The following ST6GALNAC3 variants were observed in gnomAD, a reference collection of about 807,000 sequenced individuals.
ST6GALNAC3 encodes alpha-N-acetylgalactosaminide alpha-2,6-sialyltransferase 3.
A neutral mutation model predicts 32.7 loss-of-function variants in ST6GALNAC3; 25 were observed. The observed-to-expected ratio is 0.76, with a 90% CI of 0.56 to 1.07. The LOEUF is 1.07. ST6GALNAC3 is among the 50% of genes least tolerant of loss of function. The pLI, the probability that ST6GALNAC3 is intolerant of heterozygous loss-of-function variation, is 0.00. For missense variants in ST6GALNAC3, 355 were observed against 382.4 expected (o/e 0.93, Z 0.60); for synonymous variants, 129 against 133.1 (o/e 0.97, Z 0.21).
intron 1 of ST6GALNAC3, among the ~76,000 whole-genome samples, chr1:76,197,362 A>G (rs1230243141): frequency 2.6e-5 from 4 of 152,198 alleles, no homozygotes; most frequent in Admixed American, 6.5e-5. Context: ...AAAAATATGC[A>G]TGGACTCTGA....
chr1:76,373,802 G>A (rs761176590), intron 2 of ST6GALNAC3, among the ~76,000 whole-genome samples: 7 of 152,164 alleles, frequency 4.6e-5, no homozygotes, highest in African/African-American at 7.2e-5. Flanking sequence ...TAAATGTTAG[G>A]TTTCACATAA....
chr1:76,302,624 T>A (rs574571163), intron 1 of ST6GALNAC3, among the ~76,000 whole-genome samples: 1 of 152,056 alleles, frequency 6.6e-6, no homozygotes, highest in Non-Finnish European at 1.5e-5. Context: ...ACTTTCCTTT[T>A]ACCAGGCAGT....
At chr1:76,105,522 G>A (rs1647463914) in intron 1 of ST6GALNAC3, among the ~76,000 whole-genome samples, 1 of 130,374 alleles carries the variant, frequency 7.7e-6, no homozygotes, top group African/African-American at 3.3e-5. Context: ...TCACAGAGGT[G>A]CATGGGAGAG....
At chr1:76,117,951 A>T (rs531455311) in intron 1 of ST6GALNAC3, among the ~76,000 whole-genome samples, 1 of 152,344 alleles carries the variant, frequency 6.6e-6, no homozygotes, top group East Asian at 1.9e-4. Context: ...TTAGTAAAAT[A>T]ATATTTATAA....
At chr1:76,598,617 A>G (rs2100616373) in intron 3 of ST6GALNAC3, among the ~76,000 whole-genome samples, 1 of 152,312 alleles carries the variant, frequency 6.6e-6, no homozygotes, top group East Asian at 1.9e-4. Context: ...GGAAAAAGTA[A>G]AATACCTTCC....
intron 2 of ST6GALNAC3, among the ~76,000 whole-genome samples, chr1:76,404,890 T>C (rs921032490): frequency 3.3e-5 from 5 of 152,140 alleles, no homozygotes; most frequent in Non-Finnish European, 5.9e-5. Context: ...TAGAGTAGTG[T>C]AAAACAATGT....
intron 1 of ST6GALNAC3, among the ~76,000 whole-genome samples, chr1:76,087,504 G>A (rs1449992795): frequency 6.6e-6 from 1 of 152,194 alleles, no homozygotes; most frequent in Non-Finnish European, 1.5e-5. Flanking sequence ...TTTTTTTCTA[G>A]GGGAATTTAG....
intron 2 of ST6GALNAC3, among the ~76,000 whole-genome samples, chr1:76,366,500 G>A (rs1173155623): frequency 6.6e-6 from 1 of 152,172 alleles, no homozygotes; most frequent in Non-Finnish European, 1.5e-5. Flanking sequence ...TGACTGAAAT[G>A]TGATCTTTCT....
chr1:76,167,023 G>A (rs1021596385), intron 1 of ST6GALNAC3, among the ~76,000 whole-genome samples: 1 of 151,864 alleles, frequency 6.6e-6, no homozygotes, highest in Admixed American at 6.6e-5. Flanking sequence ...GATCTGGCCA[G>A]GACCCAATAC....
chr1:76,314,045 A>G (rs754710895), intron 2 of ST6GALNAC3, 46 bp downstream of exon 2: 2 of 1,565,922 alleles, frequency 1.3e-6, no homozygotes, highest in Non-Finnish European at 1.7e-6. Flanking sequence ...TATCCATGGT[A>G]ACAGCTTTTC....
chr1:76,159,199 C>CT (rs11413126), intron 1 of ST6GALNAC3, among the ~76,000 whole-genome samples: 21,275 of 151,944 alleles, frequency 0.14, 1,733 homozygotes, highest in Non-Finnish European at 0.19. Flanking sequence ...CTTTTCTTTT[C>CT]TTTTTTTGAG....
At chr1:76,463,421 C>T (rs1381290533) in intron 3 of ST6GALNAC3, among the ~76,000 whole-genome samples, 2 of 152,176 alleles carry the variant, frequency 1.3e-5, no homozygotes, top group Admixed American at 6.6e-5. Context: ...TTTGACTTCA[C>T]ATGCCAAACT....
chr1:76,102,944 ACT>A (rs1298790620), intron 1 of ST6GALNAC3, among the ~76,000 whole-genome samples: 2 of 151,068 alleles, frequency 1.3e-5, no homozygotes, highest in African/African-American at 4.9e-5. Flanking sequence ...TTTTACTATC[ACT>A]CTTAGGGATA....
intron 3 of ST6GALNAC3, among the ~76,000 whole-genome samples, chr1:76,447,377 G>A (rs1657054753): frequency 1.3e-5 from 2 of 152,118 alleles, no homozygotes; most frequent in Admixed American, 1.3e-4. Flanking sequence ...TTTTTAAAAG[G>A]GAAACAGCAC....
At chr1:76,169,823 A>AAT (rs989562223) in intron 1 of ST6GALNAC3, among the ~76,000 whole-genome samples, 22 of 151,774 alleles carry the variant, frequency 1.4e-4, no homozygotes, top group African/African-American at 3.9e-4. Flanking sequence ...TACTTTTTAA[A>AAT]ATATATATAT....
At chr1:76,318,936 G>A (rs1452416352) in intron 2 of ST6GALNAC3, among the ~76,000 whole-genome samples, 1 of 152,132 alleles carries the variant, frequency 6.6e-6, no homozygotes, top group Non-Finnish European at 1.5e-5. Flanking sequence ...CGAACTTCAA[G>A]CTAGGTTCTA....
intron 1 of ST6GALNAC3, among the ~76,000 whole-genome samples, chr1:76,199,922 A>G: frequency 6.6e-6 from 1 of 152,156 alleles, no homozygotes; most frequent in East Asian, 1.9e-4. Flanking sequence ...AGGAGTTGGG[A>G]AGTTGAAATT....
chr1:76,437,258 G>A (rs754622070), intron 3 of ST6GALNAC3, among the ~76,000 whole-genome samples: 1 of 152,080 alleles, frequency 6.6e-6, no homozygotes, highest in Admixed American at 6.5e-5. Flanking sequence ...AGAAGAGATC[G>A]TGTCCTTGGA....
rs1570497004 is a variant in ST6GALNAC3 at position 76,632,302 on chromosome 1, G to A, written c.*3496G>A. On this transcript the variant is annotated 3_prime_UTR_variant, in exon 5 of 5. Transcript: ENST00000328299. ...CCAGAAGAATAAAGCTAGAGAAGCT[G>A]CTAAATCTAGAAAACACAATCAGAT... 1 of 152,084 alleles carries A rather than the reference G, an allele frequency of 6.6e-6. No individual in the cohort carries two copies. The allele number at this position is 152,084 out of a possible 1,614,324, so 9.4% of individuals were successfully genotyped here.
Sources: allele counts gnomAD v4.1 joint callset (sites outside exome capture counted in the v4.1 genomes callset), GRCh38; gene constraint gnomAD v4.1.1; transcripts MANE v1.5; gene names NCBI Gene and HGNC (gene_info 2026-07-23, HGNC 2026-07-21).